Variants in UNC80 observed in about 807,000 individuals in gnomAD.
The protein encoded by UNC80 is unc-80 subunit of NALCN channel complex.
Under a neutral mutation model 384.6 loss-of-function variants are expected in UNC80, and 164 were observed. That is an observed-to-expected ratio of 0.43 (90% CI 0.38 to 0.49). The LOEUF is 0.49. UNC80 is among the 20% of genes least tolerant of loss of function. UNC80 has a pLI of 0.00. For synonymous variants in UNC80, 1,486 were observed against 1,527.8 expected (o/e 0.97, Z 0.64); for missense variants, 3,330 against 4,143.0 (o/e 0.80, Z 5.39).
chr2:209,961,014 C>T (rs181600395), intron 51 of UNC80: 2 of 151,904 alleles, frequency 1.3e-5, no homozygotes, highest in Admixed American at 1.3e-4. Flanking sequence ...TCATTATGAC[C>T]AATGGCCATT....
chr2:209,922,768 C>G (rs894125106), intron 35 of UNC80, among the ~76,000 whole-genome samples: 2 of 152,114 alleles, frequency 1.3e-5, no homozygotes, highest in Non-Finnish European at 2.9e-5. Flanking sequence ...AAAACCTCCT[C>G]AGCTGATTTC....
chr2:209,884,702 G>C (rs756482908), intron 25 of UNC80, among the ~76,000 whole-genome samples: 3 of 152,136 alleles, frequency 2.0e-5, no homozygotes, highest in Non-Finnish European at 4.4e-5. Context: ...ATACACCATG[G>C]AATACTATGC....
rs541550490 is a variant in UNC80, at chr2:209,808,339, G to T, written c.939-5241G>T. On this transcript the variant is annotated intron_variant, in intron 7 of 64. Transcript: ENST00000673920. The stretch of plus-strand genomic sequence containing the variant: ...GCACTTTGGGAAGCCGAGGCGAGTG[G>T]GTCACCTGAGGTCAGATGTTCGAGA... 2.6e-5 allele frequency among the ~76,000 whole-genome samples: 4 copies of T among 152,084 alleles called. No individual in the cohort carries two copies. In the South Asian group the frequency reaches 8.3e-4, roughly 32 times the overall value.
At chr2:209,908,732 A>G (rs560010751) in intron 29 of UNC80, among the ~76,000 whole-genome samples, 2 of 152,328 alleles carry the variant, frequency 1.3e-5, no homozygotes, top group African/African-American at 2.4e-5. Context: ...TCCTAAAGCT[A>G]TCTATGAGCA....
At chr2:209,773,705 A>G (rs745949116) in intron 2 of UNC80, among the ~76,000 whole-genome samples, 5 of 152,338 alleles carry the variant, frequency 3.3e-5, no homozygotes, top group Middle Eastern at 3.4e-3. Context: ...CGAATCCTTA[A>G]TCAACAAAAC....
intron 7 of UNC80, among the ~76,000 whole-genome samples, chr2:209,797,306 C>G (rs1350715422): frequency 6.6e-6 from 1 of 151,902 alleles, no homozygotes; most frequent in Non-Finnish European, 1.5e-5. Flanking sequence ...TTGACCTGTC[C>G]CCTAAGTTCC....
chr2:209,822,063 A>G (rs2080172928), intron 13 of UNC80, among the ~76,000 whole-genome samples: 1 of 152,070 alleles, frequency 6.6e-6, no homozygotes, highest in African/African-American at 2.4e-5. Context: ...TTTAATATGC[A>G]TTTATCATCT....
intron 23 of UNC80, among the ~76,000 whole-genome samples, chr2:209,873,299 G>T (rs2084470149): frequency 2.6e-5 from 4 of 152,038 alleles, no homozygotes; most frequent in African/African-American, 9.7e-5. Context: ...GCTTCTAATT[G>T]CTATATTCAT....
In UNC80 at chr2:209,939,455, G is replaced by A; in HGVS notation, c.6466-17G>A. On this transcript the variant is annotated splice_polypyrimidine_tract_variant and intron_variant, in intron 42 of 64. Coordinates refer to ENST00000673920, the MANE Select transcript of UNC80 (RefSeq NM_001371986.1). Reference sequence around the variant, plus strand: ...CTAATACTCCTTTTTGTCTGCTCCTGCTTTTGTTTTCTCCAGGTGTTCACC... The same window carrying A: ...CTAATACTCCTTTTTGTCTGCTCCTACTTTTGTTTTCTCCAGGTGTTCACC... 6.5e-7 allele frequency: 1 copy of A among 1,536,740 alleles called. No homozygotes were observed. Among genetic ancestry groups the A allele is most frequent in the Non-Finnish European group, 8.8e-7 (1 of 1,138,530 alleles).
chr2:209,880,754 G>A (rs2085216384), intron 24 of UNC80, among the ~76,000 whole-genome samples: 1 of 152,152 alleles, frequency 6.6e-6, no homozygotes, highest in South Asian at 2.1e-4. Flanking sequence ...GCTTATGTTA[G>A]TGCATAAGTC....
intron 25 of UNC80, among the ~76,000 whole-genome samples, chr2:209,887,396 G>A (rs1449764959): frequency 6.6e-6 from 1 of 152,150 alleles, no homozygotes; most frequent in East Asian, 1.9e-4. Flanking sequence ...CATAGCCACA[G>A]CTTCCTCTGA....
At chr2:209,808,010 A>C (rs1007126682) in intron 7 of UNC80, among the ~76,000 whole-genome samples, 1 of 152,210 alleles carries the variant, frequency 6.6e-6, no homozygotes, top group African/African-American at 2.4e-5. Context: ...TGATTACATA[A>C]GATACGGATA....
rs1244377464 is a variant in UNC80 at position 209,834,167 on chromosome 2, A to C, written c.2941A>C (p.Arg981=). The change falls in exon 17 of 65, where the codon AGG becomes CGG. Residue 981 remains arginine, a splice_region_variant and synonymous_variant. Coordinates refer to ENST00000673920, the MANE Select transcript of UNC80 (RefSeq NM_001371986.1). ...GGAATCTAAGCCTGCAGGCAGTAAA[A>C]GGTTGGAAGCTTGAACTCTCTGAAT... ...EQESKPAGSK[R]SEAGSIVDKG... is the part of the protein sequence containing the mutation. 6.4e-7 allele frequency: 1 copy of C among 1,551,268 alleles called. No individual in the cohort carries two copies. Among genetic ancestry groups the C allele is most frequent in the African/African-American group, 1.4e-5 (1 of 73,038 alleles).
rs1254102352 is a variant in UNC80 at position 209,959,734 on chromosome 2, A to G, written c.7805+27A>G. On this transcript the variant is annotated intron_variant, in intron 51 of 64. Transcript: ENST00000673920. ...TACTGGCCTCGCTTTCCCTGCCCCA[A>G]GTGTGAACACAGCTTGGCCCATGTG... 3 of 1,545,656 alleles carry G rather than the reference A, an allele frequency of 1.9e-6. No homozygotes were observed. The Admixed American group carries it at 5.9e-5, about 30-fold the overall frequency.
At chr2:209,903,113 C>T (rs2087614316) in intron 28 of UNC80, among the ~76,000 whole-genome samples, 1 of 151,544 alleles carries the variant, frequency 6.6e-6, no homozygotes. Context: ...ATACCTAATA[C>T]AATGTAAATT....
chr2:209,855,745 G>A (rs1254050863), intron 22 of UNC80, among the ~76,000 whole-genome samples: 1 of 151,678 alleles, frequency 6.6e-6, no homozygotes, highest in Non-Finnish European at 1.5e-5. Flanking sequence ...TTAACTTATA[G>A]GAAGTCATGC....
intron 25 of UNC80, among the ~76,000 whole-genome samples, chr2:209,885,669 T>C (rs1038251091): frequency 7.2e-5 from 11 of 152,020 alleles, no homozygotes; most frequent in African/African-American, 2.7e-4. Context: ...TTTTTCTGGG[T>C]GTGATATAAT....
intron 38 of UNC80, among the ~76,000 whole-genome samples, chr2:209,933,388 A>T (rs369597540): frequency 6.6e-4 from 100 of 152,016 alleles, no homozygotes; most frequent in African/African-American, 2.3e-3. Flanking sequence ...TTTAGAAACA[A>T]AAAAAAAGAA....
intron 60 of UNC80, among the ~76,000 whole-genome samples, chr2:209,983,537 A>T (rs114435562): frequency 0.018 from 2,797 of 152,212 alleles, 98 homozygotes; most frequent in African/African-American, 0.064. Flanking sequence ...AACATGTCCT[A>T]AAAAAGATAT....
Sources: allele counts gnomAD v4.1 joint callset (sites outside exome capture counted in the v4.1 genomes callset), GRCh38; gene constraint gnomAD v4.1.1; transcripts MANE v1.5; gene names NCBI Gene and HGNC (gene_info 2026-07-23, HGNC 2026-07-21).